The following NIM1K variants were observed in gnomAD, a reference collection of about 807,000 sequenced individuals.
The protein encoded by NIM1K is NIM1 serine/threonine protein kinase.
NIM1K carries 35 observed loss-of-function variants against 37.1 expected under a neutral mutation model. The ratio of observed to expected loss-of-function variants is 0.94; its 90% confidence interval spans 0.72 to 1.25. The LOEUF is 1.25. Among genes scored for constraint, NIM1K ranks in the 50% most tolerant of loss-of-function variants. NIM1K has a pLI of 0.00. For missense variants in NIM1K, 564 were observed against 548.0 expected (o/e 1.03, Z -0.29); for synonymous variants, 234 against 206.6 (o/e 1.13, Z -1.14).
intron 1 of NIM1K, among the ~76,000 whole-genome samples, chr5:43,205,456 A>T (rs568478026): frequency 1.3e-5 from 2 of 152,154 alleles, no homozygotes; most frequent in Non-Finnish European, 2.9e-5. Flanking sequence ...ACCAACTAAA[A>T]CAATGGCTAC....
rs1217226532 is a variant in NIM1K, at chr5:43,198,269, TTC to T, written c.-695+5864_-695+5865del. 5.4e-5 allele frequency among the ~76,000 whole-genome samples: 8 copies of T among 148,794 alleles called. No individual in the cohort carries two copies. In the South Asian group the frequency reaches 1.1e-3, roughly 20 times the overall value. On this transcript the variant is annotated intron_variant, in intron 1 of 3. Coordinates refer to ENST00000326035, the MANE Select transcript of NIM1K (RefSeq NM_153361.4). ...TCTTTTCTTTCTTTCCTTTCTTTCT[TTC>T]TCTCTTTCTCTCCTTTCTTCCTTCC...
chr5:43,197,728 C>T (rs1339959888), intron 1 of NIM1K, among the ~76,000 whole-genome samples: 7 of 152,152 alleles, frequency 4.6e-5, no homozygotes, highest in Admixed American at 4.6e-4. Flanking sequence ...CTGAATCACA[C>T]CTGGAAATTC....
intron 1 of NIM1K, among the ~76,000 whole-genome samples, chr5:43,234,049 C>T (rs1291103627): frequency 6.6e-6 from 1 of 152,192 alleles, no homozygotes; most frequent in African/African-American, 2.4e-5. Flanking sequence ...TACCTCAGAT[C>T]TTTGAAATTC....
intron 2 of NIM1K, among the ~76,000 whole-genome samples, chr5:43,252,221 T>A (rs1752876245): frequency 6.6e-6 from 1 of 152,214 alleles, no homozygotes; most frequent in Admixed American, 6.5e-5. Context: ...AACTTCAAAC[T>A]TGTCCCCATG....
intron 2 of NIM1K, among the ~76,000 whole-genome samples, chr5:43,269,344 C>T (rs907425832): frequency 1.4e-5 from 2 of 146,644 alleles, no homozygotes; most frequent in African/African-American, 5.0e-5. Flanking sequence ...AATAGCTACT[C>T]CTGCTAGCCT....
At chr5:43,210,900 G>A (rs1459135575) in intron 1 of NIM1K, among the ~76,000 whole-genome samples, 1 of 152,202 alleles carries the variant, frequency 6.6e-6, no homozygotes, top group Non-Finnish European at 1.5e-5. Flanking sequence ...GCTGGGTGTG[G>A]TAGCTCACGC....
At position 43,277,218 on chromosome 5, in the gene NIM1K, T is replaced by A. The variant is rs1415068481; in HGVS notation, c.454T>A (p.Tyr152Asn). ...TLSKLHLVME[Y>N]AGGGELFGKI... ...ATCCAAGCTGCACTTGGTGATGGAGTATGCAGGGGGTGGGGAGCTCTTCGG... is the reference window on the plus strand; with the variant it reads ...ATCCAAGCTGCACTTGGTGATGGAGAATGCAGGGGGTGGGGAGCTCTTCGG... The change falls in exon 3 of 4, where the codon TAT becomes AAT. Residue 152 changes from tyrosine to asparagine, a missense_variant. Tyr to Asn is a moderately radical substitution (Grantham distance 143). Coordinates refer to ENST00000326035, the MANE Select transcript of NIM1K (RefSeq NM_153361.4). The A allele has an allele frequency of 1.9e-6, 3 of 1,613,360 alleles. No individual in the cohort carries two copies. Among genetic ancestry groups the A allele is most frequent in the Non-Finnish European group, 2.5e-6 (3 of 1,179,878 alleles).
At chr5:43,200,927 C>T (rs1190597409) in intron 1 of NIM1K, among the ~76,000 whole-genome samples, 1 of 151,874 alleles carries the variant, frequency 6.6e-6, no homozygotes, top group Non-Finnish European at 1.5e-5. Context: ...AGTTCAAGAC[C>T]AGCCTGGCCA....
chr5:43,198,187 CTT>C (rs754850494), intron 1 of NIM1K, among the ~76,000 whole-genome samples: 4,382 of 63,470 alleles, frequency 0.069, 66 homozygotes, highest in South Asian at 0.092. Context: ...TTCTTTCTTT[CTT>C]TCTTTCTTTC....
At chr5:43,256,389 G>T (rs1045294689) in intron 2 of NIM1K, among the ~76,000 whole-genome samples, 1 of 152,204 alleles carries the variant, frequency 6.6e-6, no homozygotes, top group African/African-American at 2.4e-5. Flanking sequence ...GAATATTAAA[G>T]AGAAGAGTCA....
intron 1 of NIM1K, among the ~76,000 whole-genome samples, chr5:43,235,535 T>A (rs1019397571): frequency 1.3e-5 from 2 of 152,238 alleles, no homozygotes; most frequent in South Asian, 4.1e-4. Context: ...CTATTTTCTG[T>A]TTCATTCTAT....
At chr5:43,205,787 A>G (rs1752101205) in intron 1 of NIM1K, among the ~76,000 whole-genome samples, 1 of 152,124 alleles carries the variant, frequency 6.6e-6, no homozygotes, top group Admixed American at 6.6e-5. Context: ...ATCTTGGCTC[A>G]CTGCAAGCTC....
rs201780440 is a variant in NIM1K, at chr5:43,245,920, G to A, written c.145G>A (p.Glu49Lys). The A allele has an allele frequency of 6.3e-5, 102 of 1,614,148 alleles. 1 individual carries two copies. The East Asian group carries it at 2.1e-3, about 33-fold the overall frequency. ...ACAGCCCCGCCAGCTGACGCCCTTC[G>A]AGAAACTGACACAGGACATGTCCCA... is the stretch of plus-strand genomic sequence containing the variant. ...EGQPRQLTPFEKLTQDMSQDE... is the reference protein window; with the variant it reads ...EGQPRQLTPFKKLTQDMSQDE... The change falls in exon 2 of 4, where the codon GAG (glutamate) becomes AAG (lysine). Residue 49 changes from glutamate (E) to lysine (K), a missense_variant. Coordinates refer to ENST00000326035, the MANE Select transcript of NIM1K (RefSeq NM_153361.4).
chr5:43,245,990 G>T lies in NIM1K; in HGVS notation c.215G>T (p.Gly72Val), dbSNP rs1752774496. Residue 72 changes from glycine to valine, a missense_variant, in exon 2 of 4, where the codon GGC becomes GTC. Physicochemically the swap from Gly to Val is moderately radical, Grantham distance 109 (BLOSUM62 -3). Coordinates refer to ENST00000326035, the MANE Select transcript of NIM1K (RefSeq NM_153361.4). Reference sequence around the variant, plus strand: ...GAGATCACGCTGGGGAAACGGATAGGCTTCTACCGAATTCGAGGGGAAATC... The same window carrying T: ...GAGATCACGCTGGGGAAACGGATAGTCTTCTACCGAATTCGAGGGGAAATC... Reference protein sequence around the residue: ...VREITLGKRIGFYRIRGEIGS... With the variant: ...VREITLGKRIVFYRIRGEIGS... 6.2e-7 allele frequency: 1 copy of T among 1,614,130 alleles called. No individual in the cohort carries two copies. Among genetic ancestry groups the T allele is most frequent in the Non-Finnish European group, 8.5e-7 (1 of 1,179,998 alleles).
At chr5:43,234,745 C>T (rs1295755922) in intron 1 of NIM1K, among the ~76,000 whole-genome samples, 1 of 152,212 alleles carries the variant, frequency 6.6e-6, no homozygotes, top group Non-Finnish European at 1.5e-5. Context: ...AACGATTCTC[C>T]TGCCTCAGCC....
chr5:43,251,781 C>A (rs1752870325), intron 2 of NIM1K, among the ~76,000 whole-genome samples: 1 of 152,214 alleles, frequency 6.6e-6, no homozygotes, highest in Admixed American at 6.5e-5. Flanking sequence ...GCCAGTCCCA[C>A]ATCTACATAA....
chr5:43,252,081 A>G (rs1752874335), intron 2 of NIM1K, among the ~76,000 whole-genome samples: 1 of 152,142 alleles, frequency 6.6e-6, no homozygotes, highest in South Asian at 2.1e-4. Flanking sequence ...CGGGAGCAAG[A>G]CAGTGCCCAA....
chr5:43,258,673 G>T (rs1334370012), intron 2 of NIM1K, among the ~76,000 whole-genome samples: 1 of 152,074 alleles, frequency 6.6e-6, no homozygotes, highest in Non-Finnish European at 1.5e-5. Context: ...AAACTCCAGG[G>T]CTCGAGTAAT....
intron 1 of NIM1K, among the ~76,000 whole-genome samples, chr5:43,213,383 G>A (rs866385702): frequency 9.4e-5 from 14 of 148,990 alleles, no homozygotes; most frequent in African/African-American, 1.8e-4. Context: ...AGGCTGGAGC[G>A]CAGCGGCACG....
Sources: allele counts gnomAD v4.1 joint callset (sites outside exome capture counted in the v4.1 genomes callset), GRCh38; gene constraint gnomAD v4.1.1; transcripts MANE v1.5; gene names NCBI Gene and HGNC (gene_info 2026-07-23, HGNC 2026-07-21).